The following NEK7 variants were observed in gnomAD, a reference collection of about 807,000 sequenced individuals.
NEK7 encodes the protein serine/threonine-protein kinase Nek7.
NEK7 carries 18 observed loss-of-function variants against 44.6 expected under a neutral mutation model. The ratio of observed to expected loss-of-function variants is 0.40; its 90% CI spans 0.28 to 0.60. The LOEUF (loss-of-function observed/expected upper bound fraction) is 0.60, where lower values mean the gene tolerates loss of function less well. Ranked by LOEUF, NEK7 falls within the 20% of genes least tolerant of loss-of-function variation. The pLI is 0.38. For missense variants in NEK7, 256 were observed against 366.5 expected, an observed-to-expected ratio of 0.70 and a Z score of 2.46; for synonymous variants, 130 against 121.1, an observed-to-expected ratio of 1.07 and a Z score of -0.48.
At chr1:198,252,570 A>C (rs1241801848) in intron 2 of NEK7, among the ~76,000 whole-genome samples, 1 of 121,228 alleles carries the variant, frequency 8.2e-6, no homozygotes, top group Admixed American at 8.2e-5. Flanking sequence ...ATATATATAA[A>C]AAGTACATAT....
chr1:198,178,738 C>T (rs1018656287), intron 1 of NEK7, among the ~76,000 whole-genome samples: 1 of 151,716 alleles, frequency 6.6e-6, no homozygotes, highest in African/African-American at 2.4e-5. Flanking sequence ...TTAACAACTC[C>T]TGGAATTCTA....
intron 7 of NEK7, among the ~76,000 whole-genome samples, chr1:198,282,135 C>T (rs1558093315): frequency 6.6e-6 from 1 of 152,084 alleles, no homozygotes; most frequent in Non-Finnish European, 1.5e-5. Flanking sequence ...TCCGTTCCCT[C>T]ATCCTTACTC....
chr1:198,296,985 G>A, intron 8 of NEK7, 142 bp from the exon 9 acceptor site: 2 of 535,720 alleles, frequency 3.7e-6, no homozygotes, highest in South Asian at 3.0e-5. Context: ...CCTCAGAAGG[G>A]GATATTCATA....
chr1:198,182,499 C>T (rs1284946331), intron 1 of NEK7, among the ~76,000 whole-genome samples: 1 of 152,066 alleles, frequency 6.6e-6, no homozygotes, highest in Non-Finnish European at 1.5e-5. Context: ...GGTTCACAAC[C>T]TGGGGTTGGT....
Position 198,262,537 on chromosome 1 carries a change from T to A in NEK7, c.199-38T>A, listed in dbSNP as rs916991818. On this transcript the variant is annotated intron_variant, in intron 3 of 9. Coordinates refer to ENST00000367385, the MANE Select transcript of NEK7 (RefSeq NM_133494.3). Reference sequence around the variant, plus strand: ...TTTACACAATAGCTTGAACCATAGGTTATTATTTTATTAAGTAATTCTGGG... The same window carrying A: ...TTTACACAATAGCTTGAACCATAGGATATTATTTTATTAAGTAATTCTGGG... The A allele has an allele frequency of 2.4e-6, 3 of 1,270,532 alleles. No homozygotes were observed. The African/African-American group carries it at 4.4e-5, about 19-fold the overall frequency. The allele number at this position is 1,270,532 out of a possible 1,614,324, so 78.7% of individuals were successfully genotyped here. A position where few individuals can be genotyped will look rare whatever the true frequency, so the allele number is the denominator to read the frequency against.
chr1:198,172,753 A>G (rs540966432), intron 1 of NEK7, among the ~76,000 whole-genome samples: 1 of 152,354 alleles, frequency 6.6e-6, no homozygotes, highest in South Asian at 2.1e-4. Context: ...TAAAGTTGTC[A>G]TCATAGAGCC....
At chr1:198,167,141 C>T (rs1664291345) in intron 1 of NEK7, among the ~76,000 whole-genome samples, 1 of 152,154 alleles carries the variant, frequency 6.6e-6, no homozygotes, top group Admixed American at 6.5e-5. Context: ...GGCAGCAATC[C>T]TTGTCTTTCC....
intron 2 of NEK7, 78 bp from the exon 3 acceptor site, chr1:198,252,962 A>T: frequency 8.3e-7 from 1 of 1,208,820 alleles, no homozygotes; most frequent in Non-Finnish European, 1.2e-6. Flanking sequence ...TCACCTACAT[A>T]TATGAAAATG....
chr1:198,157,915 G>A (rs1043274783), intron 1 of NEK7, among the ~76,000 whole-genome samples: 3 of 152,146 alleles, frequency 2.0e-5, no homozygotes, highest in Admixed American at 1.3e-4. Flanking sequence ...CAATGGAAAA[G>A]AAATTGAAAA....
At chr1:198,237,833 A>G (rs1338355827) in intron 2 of NEK7, among the ~76,000 whole-genome samples, 6 of 152,128 alleles carry the variant, frequency 3.9e-5, no homozygotes, top group South Asian at 2.1e-4. Context: ...CGATCACTCA[A>G]TGAAAATGGA....
chr1:198,280,575 A>C (rs1314284828), intron 7 of NEK7, among the ~76,000 whole-genome samples: 1 of 152,048 alleles, frequency 6.6e-6, no homozygotes, highest in Non-Finnish European at 1.5e-5. Flanking sequence ...ACAGAATTTA[A>C]GAACATATAT....
intron 3 of NEK7, among the ~76,000 whole-genome samples, chr1:198,261,209 A>G (rs1226441571): frequency 1.3e-5 from 2 of 151,980 alleles, no homozygotes; most frequent in African/African-American, 2.4e-5. Flanking sequence ...GTACACACAT[A>G]TATTTTAATA....
chr1:198,217,071 GAGA>G (rs931833450), intron 1 of NEK7, among the ~76,000 whole-genome samples: 5 of 151,998 alleles, frequency 3.3e-5, no homozygotes, highest in African/African-American at 1.2e-4. Flanking sequence ...TCTAAAGATT[GAGA>G]AGGAGAGAAT....
chr1:198,275,633 T>G (rs923848630), intron 5 of NEK7, among the ~76,000 whole-genome samples: 2 of 151,522 alleles, frequency 1.3e-5, no homozygotes, highest in African/African-American at 4.8e-5. Flanking sequence ...AGAATAAATT[T>G]TAAGAGAAGA....
chr1:198,317,877 ATTTTTTTTTT>A (rs34704209), intron 9 of NEK7, among the ~76,000 whole-genome samples: 2 of 70,268 alleles, frequency 2.8e-5, no homozygotes, highest in Non-Finnish European at 4.9e-5. Flanking sequence ...GGATATATTT[ATTTTTTTTTT>A]TTTTTTTTTT....
At chr1:198,207,912 A>G (rs1421888682) in intron 1 of NEK7, among the ~76,000 whole-genome samples, 2 of 152,240 alleles carry the variant, frequency 1.3e-5, no homozygotes, top group African/African-American at 4.8e-5. Flanking sequence ...TAATGTTAAT[A>G]TAGTTTTTCT....
At chr1:198,306,775 GTTAC>G (rs1655036210) in intron 9 of NEK7, among the ~76,000 whole-genome samples, 1 of 152,026 alleles carries the variant, frequency 6.6e-6, no homozygotes, top group African/African-American at 2.4e-5. Context: ...ACAAAAGTAG[GTTAC>G]TTGTGATTTT....
At chr1:198,188,910 A>C (rs984272821) in intron 1 of NEK7, among the ~76,000 whole-genome samples, 2 of 152,124 alleles carry the variant, frequency 1.3e-5, no homozygotes, top group Admixed American at 1.3e-4. Flanking sequence ...GGCACGTGGC[A>C]GATTATATGT....
At chr1:198,291,982 A>G (rs1654572040) in intron 7 of NEK7, among the ~76,000 whole-genome samples, 1 of 152,104 alleles carries the variant, frequency 6.6e-6, no homozygotes, top group Non-Finnish European at 1.5e-5. Context: ...TAATAGAAAA[A>G]GGAAAATGCC....
Sources: allele counts gnomAD v4.1 joint callset (sites outside exome capture counted in the v4.1 genomes callset), GRCh38; gene constraint gnomAD v4.1.1; transcripts MANE v1.5; gene names NCBI Gene and HGNC (gene_info 2026-07-23, HGNC 2026-07-21).